Variants in LAMP3 observed in about 807,000 individuals in gnomAD.
LAMP3 encodes the protein lysosome associated membrane protein 3.
LAMP3 carries 26 observed loss-of-function variants against 34.8 expected under a neutral mutation model. The observed-to-expected ratio is 0.75, with a 90% confidence interval of 0.55 to 1.04. The LOEUF (loss-of-function observed/expected upper bound fraction) is 1.04. Ranked by LOEUF, LAMP3 falls within the 50% of genes least tolerant of loss-of-function variation. The pLI, the probability that LAMP3 is intolerant of heterozygous loss-of-function variation, is 0.00. For missense variants in LAMP3, 495 were observed against 524.0 expected (o/e 0.94, Z 0.54); for synonymous variants, 180 against 201.9 (o/e 0.89, Z 0.92).
intron 1 of LAMP3, chr3:183,160,777 A>G (rs1356977274): frequency 2.0e-5 from 3 of 152,222 alleles, no homozygotes; most frequent in Non-Finnish European, 4.4e-5. Context: ...CCAGCTAGCT[A>G]TGTGATCAGG....
At chr3:183,163,246 G>A (rs1304129013), upstream of LAMP3, among the ~76,000 whole-genome samples, 1 of 149,562 alleles carries the variant, frequency 6.7e-6, no homozygotes, top group Non-Finnish European at 1.5e-5. Flanking sequence ...GTGAGCCACC[G>A]AGCCCGGCCA....
intron 3 of LAMP3, among the ~76,000 whole-genome samples, chr3:183,147,482 C>T (rs367839925): frequency 9.9e-5 from 15 of 152,110 alleles, no homozygotes; most frequent in African/African-American, 3.6e-4. Flanking sequence ...TTTGTGCTTA[C>T]TTTAATATTT....
rs150508673 is a variant in LAMP3 at position 183,160,105 on chromosome 3, T to G, written c.49+2502A>C. Among the ~76,000 whole-genome samples the G allele has an allele frequency of 1.4e-4, 22 of 152,358 alleles. No individual in the cohort carries two copies. In the East Asian group the frequency reaches 4.2e-3, roughly 29 times the overall value. On this transcript the variant is annotated intron_variant, in intron 1 of 5. Transcript: ENST00000265598. ...TTCACATGAAAGAGTAACAAGCAAC[T>G]ATCTTGTTTAATCTACTGTTATTTT...
intron 3 of LAMP3, among the ~76,000 whole-genome samples, chr3:183,147,071 A>C (rs960008706): frequency 6.6e-6 from 1 of 151,756 alleles, no homozygotes; most frequent in African/African-American, 2.4e-5. Flanking sequence ...GTGAAACCCC[A>C]TCTCTACTAA....
intron 5 of LAMP3, among the ~76,000 whole-genome samples, 193 bp downstream of exon 5, chr3:183,135,524 G>A (rs113577424): frequency 7.9e-4 from 120 of 152,320 alleles, no homozygotes; most frequent in African/African-American, 1.8e-3. Flanking sequence ...CGGGACAGCC[G>A]TGACTGGGTG....
chr3:183,162,628 C>T lies in LAMP3; in HGVS notation c.28G>A (p.Ala10Thr), dbSNP rs1386236735. 2.6e-6 allele frequency: 4 copies of T among 1,544,268 alleles called. No homozygotes were observed. Among genetic ancestry groups the T allele is most frequent in the Non-Finnish European group, 3.5e-6 (4 of 1,145,728 alleles). Reference protein sequence around the residue: MPRQLSAAAALFASLAVILH... With the variant: MPRQLSAAATLFASLAVILH... The stretch of plus-strand genomic sequence containing the variant: ...TCACCGGCCAGGGACGCGAAGAGCG[C>T]GGCCGCCGCGCTGAGCTGCCGGGGC... The change falls in exon 1 of 6, where the codon GCG (alanine) becomes ACG (threonine). Residue 10 changes from alanine to threonine, a missense_variant. Coordinates refer to ENST00000265598, the MANE Select transcript of LAMP3 (RefSeq NM_014398.4).
At chr3:183,150,884 A>T (rs763840122) in intron 3 of LAMP3, among the ~76,000 whole-genome samples, 15 of 152,238 alleles carry the variant, frequency 9.9e-5, no homozygotes, top group South Asian at 2.1e-4. Context: ...TTTTCCAGGG[A>T]TAGAGCAGTT....
intron 3 of LAMP3, among the ~76,000 whole-genome samples, chr3:183,149,610 TAC>T (rs568430015): frequency 8.2e-4 from 104 of 127,092 alleles, no homozygotes; most frequent in East Asian, 2.8e-3. Flanking sequence ...TATATATGTA[TAC>T]ACACACACAC....
chr3:183,128,822 G>A (rs921342326), intron 5 of LAMP3, among the ~76,000 whole-genome samples: 6 of 152,124 alleles, frequency 3.9e-5, no homozygotes, highest in African/African-American at 1.4e-4. Flanking sequence ...GATGATAGGT[G>A]TGAGCCACTA....
chr3:183,154,815 G>C (rs1720777928), intron 1 of LAMP3, among the ~76,000 whole-genome samples: 1 of 152,222 alleles, frequency 6.6e-6, no homozygotes, highest in Non-Finnish European at 1.5e-5. Flanking sequence ...GGGGCAGCAT[G>C]AATGATGGTA....
chr3:183,152,353 T>C lies in LAMP3; in HGVS notation c.888+22A>G, dbSNP rs765502346. On this transcript the variant is annotated intron_variant, in intron 3 of 5. Coordinates refer to ENST00000265598, the MANE Select transcript of LAMP3 (RefSeq NM_014398.4). ...GGAAAGCTGTACCAGATGCAGTTTG[T>C]GCAAAGGAGCTCAGGCCTCACCTTG... 30 of 1,591,166 alleles carry C rather than the reference T, an allele frequency of 1.9e-5. No individual in the cohort carries two copies. The Admixed American group carries it at 4.5e-4, about 24-fold the overall frequency.
chr3:183,136,390 G>A (rs1720089739), intron 4 of LAMP3, among the ~76,000 whole-genome samples: 1 of 152,088 alleles, frequency 6.6e-6, no homozygotes, highest in Non-Finnish European at 1.5e-5. Context: ...GGTGGCTCAC[G>A]CCTGTAATCC....
chr3:183,153,905 C>A lies in LAMP3; in HGVS notation c.536G>T (p.Ser179Ile). ...TTGAACAGGCTTCTGACCGGTTGTG[C>A]TTTTGTGCAGTGCTATCGATAAAGT... ...PATLSIALHK[S>I]TTGQKPVQPT... The change falls in exon 2 of 6, where the codon AGC becomes ATC. Residue 179 changes from serine (S) to isoleucine (I), a missense_variant. Physicochemically the swap from Ser to Ile is moderately radical, Grantham distance 142 (BLOSUM62 -2). Transcript: ENST00000265598. 3 of 1,614,132 alleles carry A rather than the reference C, an allele frequency of 1.9e-6. No individual in the cohort carries two copies. Among genetic ancestry groups the A allele is most frequent in the Non-Finnish European group, 2.5e-6 (3 of 1,180,020 alleles).
Position 183,135,786 on chromosome 3 carries a change from G to A in LAMP3, c.1048C>T (p.His350Tyr). The change falls in exon 5 of 6, where the codon CAC becomes TAC. Residue 350 changes from histidine to tyrosine, a missense_variant. By Grantham distance (83) the His-to-Tyr change is moderately conservative (BLOSUM62 2). Coordinates refer to ENST00000265598, the MANE Select transcript of LAMP3 (RefSeq NM_014398.4). The part of the protein sequence containing the change: ...VSEQSLQLSA[H>Y]LQVKTTDVQL... ...ACATCGGTTGTTTTCACCTGCAGGT[G>A]GGCTGACAACTGGAGGCTCTGTTCA... is the stretch of plus-strand genomic sequence containing the variant. The A allele has an allele frequency of 6.2e-7, 1 of 1,614,182 alleles. No individual in the cohort carries two copies. The highest frequency in any genetic ancestry group is 8.5e-7 in the Non-Finnish European group (1 of 1,179,990).
Position 183,123,611 on chromosome 3 carries a change from AATATGT to A in LAMP3, c.*464_*469del. The A allele has an allele frequency of 6.3e-6, 1 of 158,254 alleles. No individual in the cohort carries two copies. The highest frequency in any genetic ancestry group is 1.4e-5 in the Non-Finnish European group (1 of 71,578). The allele number at this position is 158,254 out of a possible 1,614,324, so 9.8% of individuals were successfully genotyped here. ...AAAAGGAGTTAAGTGCTACACCAGG[AATATGT>A]ATGTTACATGAAACCATAAAACACA... On this transcript the variant is annotated 3_prime_UTR_variant, in exon 6 of 6. Transcript: ENST00000265598.
intron 3 of LAMP3, among the ~76,000 whole-genome samples, chr3:183,151,643 G>A (rs538462962): frequency 2.6e-5 from 4 of 152,022 alleles, no homozygotes; most frequent in South Asian, 4.2e-4. Context: ...GGCCAGGCTG[G>A]TCTCGAACTC....
chr3:183,153,669 G>A lies in LAMP3; in HGVS notation c.759+13C>T. On this transcript the variant is annotated intron_variant, in intron 2 of 5. Coordinates refer to ENST00000265598, the MANE Select transcript of LAMP3 (RefSeq NM_014398.4). Reference sequence around the variant, plus strand: ...TTTGAAGATAGTGTTATAGTCCTGTGGCCCCAACTTACCGACTCCTTGTCT... The same window carrying A: ...TTTGAAGATAGTGTTATAGTCCTGTAGCCCCAACTTACCGACTCCTTGTCT... The A allele has an allele frequency of 6.7e-7, 1 of 1,497,322 alleles. No individual in the cohort carries two copies. The highest frequency in any genetic ancestry group is 2.3e-5 in the Admixed American group (1 of 43,518). The allele number at this position is 1,497,322 out of a possible 1,614,324, so 92.8% of individuals were successfully genotyped here.
At chr3:183,132,128 G>A in intron 5 of LAMP3, 1 of 985,292 alleles carries the variant, frequency 1.0e-6, no homozygotes, top group Non-Finnish European at 1.2e-6. Flanking sequence ...TAAGAAGGCA[G>A]ACAACACATG....
chr3:183,136,653 G>GAC (rs1553874638), intron 4 of LAMP3, among the ~76,000 whole-genome samples: 12 of 100,608 alleles, frequency 1.2e-4, no homozygotes, highest in African/African-American at 4.7e-4. Flanking sequence ...CTCCGTTTCA[G>GAC]AAAAAAAAAA....
Sources: allele counts gnomAD v4.1 joint callset (sites outside exome capture counted in the v4.1 genomes callset), GRCh38; gene constraint gnomAD v4.1.1; transcripts MANE v1.5; gene names NCBI Gene and HGNC (gene_info 2026-07-23, HGNC 2026-07-21).